The following SLC39A12 variants were observed in gnomAD, a reference collection of about 807,000 sequenced individuals.
SLC39A12 encodes the protein solute carrier family 39 member 12, also known as zinc transporter ZIP12.
Under a neutral mutation model 71.1 loss-of-function variants are expected in SLC39A12, and 63 were observed. The observed-to-expected ratio is 0.89, with a 90% CI of 0.72 to 1.09. SLC39A12 has a LOEUF of 1.09. SLC39A12 is among the 50% of genes least tolerant of loss of function. The pLI, the probability that SLC39A12 is intolerant of heterozygous loss-of-function variation, is 0.00. For missense variants in SLC39A12, 892 were observed against 812.6 expected (o/e 1.10, Z -1.19); for synonymous variants, 351 against 301.3 (o/e 1.16, Z -1.71).
chr10:17,955,818 C>T (rs1554847722), intron 2 of SLC39A12, among the ~76,000 whole-genome samples: 1 of 152,186 alleles, frequency 6.6e-6, no homozygotes, highest in African/African-American at 2.4e-5. Flanking sequence ...TGGGCTGATC[C>T]TGGCTTTTTC....
At chr10:18,031,186 T>C (rs1193808735) in intron 12 of SLC39A12, among the ~76,000 whole-genome samples, 2 of 146,656 alleles carry the variant, frequency 1.4e-5, no homozygotes, top group African/African-American at 5.0e-5. Flanking sequence ...CTGGGTCAAA[T>C]GGTATTTCTA....
At chr10:17,983,519 T>G (rs931974109) in intron 6 of SLC39A12, among the ~76,000 whole-genome samples, 2 of 151,412 alleles carry the variant, frequency 1.3e-5, no homozygotes, top group African/African-American at 4.9e-5. Flanking sequence ...CACAGTGGCT[T>G]ATGCCTGTAA....
intron 12 of SLC39A12, among the ~76,000 whole-genome samples, chr10:18,036,788 ATATATATT>A (rs1282483255): frequency 2.4e-4 from 4 of 17,012 alleles, no homozygotes; most frequent in South Asian, 1.9e-3. Flanking sequence ...ATATATATAT[ATATATATT>A]TTTTTTTTTA....
intron 12 of SLC39A12, among the ~76,000 whole-genome samples, chr10:18,040,646 A>G (rs543788145): frequency 1.2e-4 from 18 of 151,898 alleles, no homozygotes; most frequent in African/African-American, 3.4e-4. Context: ...GTGGATGCCT[A>G]TAGTTCCAGC....
chr10:18,027,820 A>G (rs191600861), intron 12 of SLC39A12, among the ~76,000 whole-genome samples: 1 of 152,356 alleles, frequency 6.6e-6, no homozygotes, highest in Non-Finnish European at 1.5e-5. Flanking sequence ...TGTAAGCCAA[A>G]TGGTGACTTG....
intron 12 of SLC39A12, among the ~76,000 whole-genome samples, chr10:18,034,901 T>C (rs574521496): frequency 6.6e-6 from 1 of 152,120 alleles, no homozygotes; most frequent in South Asian, 2.1e-4. Context: ...TCTCCTTCAC[T>C]TATGAAGCTT....
chr10:17,960,148 A>G (rs958637554), intron 2 of SLC39A12, among the ~76,000 whole-genome samples: 21 of 152,332 alleles, frequency 1.4e-4, no homozygotes, highest in Admixed American at 6.5e-5. Flanking sequence ...TGACTAGGAA[A>G]TATGTATGGG....
intron 12 of SLC39A12, among the ~76,000 whole-genome samples, chr10:18,015,819 T>G (rs905227358): frequency 1.3e-5 from 2 of 151,964 alleles, no homozygotes; most frequent in African/African-American, 4.8e-5. Context: ...TGGCCAGTAG[T>G]CACATGTGGC....
chr10:18,016,856 A>G (rs1169546556), intron 12 of SLC39A12, among the ~76,000 whole-genome samples: 1 of 152,180 alleles, frequency 6.6e-6, no homozygotes, highest in Non-Finnish European at 1.5e-5. Flanking sequence ...GGGAGTCTCT[A>G]TTCAGGTCTT....
intron 10 of SLC39A12, among the ~76,000 whole-genome samples, chr10:17,998,317 A>C (rs1396990307): frequency 6.6e-6 from 1 of 152,170 alleles, no homozygotes; most frequent in Non-Finnish European, 1.5e-5. Flanking sequence ...TTGGCTAAAA[A>C]TCCTCCTTTG....
At chr10:18,024,252 A>G (rs759868786) in intron 12 of SLC39A12, among the ~76,000 whole-genome samples, 1 of 151,944 alleles carries the variant, frequency 6.6e-6, no homozygotes, top group Non-Finnish European at 1.5e-5. Context: ...GAGCTAAGAC[A>G]GCTGGTGCCA....
intron 12 of SLC39A12, chr10:18,004,266 C>G (rs754747636): frequency 6.6e-6 from 1 of 152,138 alleles, no homozygotes; most frequent in Non-Finnish European, 1.5e-5. Context: ...AAAAGAGGTA[C>G]TTAAGGCTGA....
Position 17,953,303 on chromosome 10 carries a change from A to G in SLC39A12, c.27A>G (p.Val9=). 1 of 1,614,210 alleles carries G rather than the reference A, an allele frequency of 6.2e-7. No homozygotes were observed. The highest frequency in any genetic ancestry group is 8.5e-7 in the Non-Finnish European group (1 of 1,180,044). ...TGTGCTTCCGGACAAAGCTCTCAGT[A>G]TCCTGGGTGCCATTGTTTCTTCTAC... The part of the protein sequence containing the change: MCFRTKLS[V]SWVPLFLLLS... Residue 9 remains valine, a synonymous_variant, in exon 2 of 13, where the codon GTA becomes GTG. Coordinates refer to ENST00000377369, the MANE Select transcript of SLC39A12 (RefSeq NM_001145195.2).
chr10:18,022,835 G>A (rs1836571724), intron 12 of SLC39A12, among the ~76,000 whole-genome samples: 1 of 152,140 alleles, frequency 6.6e-6, no homozygotes, highest in African/African-American at 2.4e-5. Flanking sequence ...AGAGGGCCAA[G>A]GCTTTGTGCA....
intron 6 of SLC39A12, among the ~76,000 whole-genome samples, chr10:17,983,249 G>A (rs1163408123): frequency 6.6e-6 from 1 of 150,970 alleles, no homozygotes; most frequent in African/African-American, 2.5e-5. Context: ...CTAGTACTTT[G>A]GGAGGGCAAG....
At chr10:18,041,772 C>CATATGTATATACATATGTGTCT (rs1178496420) in intron 12 of SLC39A12, among the ~76,000 whole-genome samples, 1,347 of 134,320 alleles carry the variant, frequency 0.01, 36 homozygotes, top group Non-Finnish European at 0.015. Flanking sequence ...CATATGTATA[C>CATATGTATATACATATGTGTCT]ATATGTATAT....
intron 4 of SLC39A12, among the ~76,000 whole-genome samples, chr10:17,969,829 C>T (rs116530749): frequency 0.014 from 2,061 of 152,228 alleles, 41 homozygotes; most frequent in African/African-American, 0.043. Flanking sequence ...TTGCCTACGC[C>T]TGTGGAGTAT....
intron 12 of SLC39A12, among the ~76,000 whole-genome samples, chr10:18,013,270 C>T (rs763047183): frequency 1.3e-5 from 2 of 150,698 alleles, no homozygotes; most frequent in Admixed American, 6.6e-5. Context: ...AATTTTAAAG[C>T]TTTAGCTATC....
At chr10:17,986,712 A>T (rs929805953) in intron 6 of SLC39A12, among the ~76,000 whole-genome samples, 2 of 152,252 alleles carry the variant, frequency 1.3e-5, no homozygotes, top group Non-Finnish European at 2.9e-5. Flanking sequence ...TTTGCCGCAT[A>T]TAACACTTAT....
Sources: gnomAD v4.1 joint callset for allele counts (sites outside exome capture counted in the v4.1 genomes callset) on GRCh38, gnomAD v4.1.1 for gene constraint, MANE v1.5 for transcripts, NCBI Gene and HGNC (gene_info 2026-07-23, HGNC 2026-07-21) for gene names.